Variants in SURF6 observed in about 807,000 individuals in gnomAD.
SURF6 encodes the protein surfeit 6.
A neutral mutation model predicts 37.5 loss-of-function variants in SURF6; 28 were observed. That is an observed-to-expected ratio of 0.75 (90% CI 0.55 to 1.02). SURF6 has a LOEUF of 1.02. Among genes scored for constraint, SURF6 ranks in the 50% least tolerant of loss-of-function variants. SURF6 has a pLI of 0.00. For synonymous variants in SURF6, 248 were observed against 210.9 expected, an observed-to-expected ratio of 1.18 and a Z score of -1.52; for missense variants, 560 against 490.5, an observed-to-expected ratio of 1.14 and a Z score of -1.34.
Position 133,336,120 on chromosome 9 carries a change from G to T in SURF6, c.13C>A (p.Leu5Ile). Residue 5 changes from leucine (L) to isoleucine (I), a missense_variant, in exon 1 of 5, where the codon CTC becomes ATC. By Grantham distance (5) the Leu-to-Ile change is conservative (BLOSUM62 2). Transcript: ENST00000372022. MASLLAKDAYLQSLA... is the reference protein window; with the variant it reads MASLIAKDAYLQSLA... ...CTCTGCAGGTAGGCGTCCTTGGCGA[G>T]TAGAGAGGCCATGGCGGAGACCCGG... 1.9e-6 allele frequency: 3 copies of T among 1,612,274 alleles called. No homozygotes were observed. Among genetic ancestry groups the T allele is most frequent in the Non-Finnish European group, 2.5e-6 (3 of 1,179,702 alleles).
chr9:133,332,454 T>G, intron 4 of SURF6, 94 bp downstream of exon 4: 1 of 1,543,346 alleles, frequency 6.5e-7, no homozygotes, highest in Non-Finnish European at 8.7e-7. Flanking sequence ...CTTACAGACA[T>G]GATGGGGTTC....
chr9:133,336,170 C>T lies in SURF6; in HGVS notation c.-38G>A, dbSNP rs2129934907. On this transcript the variant is annotated 5_prime_UTR_variant, in exon 1 of 5. Coordinates refer to ENST00000372022, the MANE Select transcript of SURF6 (RefSeq NM_006753.6). ...GGCCGTTCACGACTCACACCTTCCC[C>T]GCTGCGCGTGCGACTCTCACCACCT... The T allele has an allele frequency of 1.3e-6, 2 of 1,564,956 alleles. No individual in the cohort carries two copies. Among genetic ancestry groups the T allele is most frequent in the South Asian group, 2.2e-5 (2 of 89,208 alleles).
chr9:133,332,538 T>A lies in SURF6; in HGVS notation c.606+10A>T, dbSNP rs2129918833. 1 of 1,605,344 alleles carries A rather than the reference T, an allele frequency of 6.2e-7. No individual in the cohort carries two copies. Among genetic ancestry groups the A allele is most frequent in the Non-Finnish European group, 8.5e-7 (1 of 1,177,914 alleles). ...GACCCAGCCCGCCCAAGGACCCAGCTCCCGCTCACCTTATTGAAGATCAGC... is the reference window on the plus strand; with the variant it reads ...GACCCAGCCCGCCCAAGGACCCAGCACCCGCTCACCTTATTGAAGATCAGC... On this transcript the variant is annotated intron_variant, in intron 4 of 4. Coordinates refer to ENST00000372022, the MANE Select transcript of SURF6 (RefSeq NM_006753.6).
At chr9:133,333,606 G>A (rs1036224371) in intron 3 of SURF6, 112 bp downstream of exon 3, 1 of 971,906 alleles carries the variant, frequency 1.0e-6, no homozygotes, top group Non-Finnish European at 1.6e-6. Context: ...CTGGGGCCCT[G>A]CCAGACTCGC....
At position 133,332,219 on chromosome 9, in the gene SURF6, GTGC is replaced by G; in HGVS notation, c.733_735del (p.Ala245del). ...CGCAGCTCGTCCAGCCGGCTCTGCC[GTGC>G]CTGCAGGCGCTCCAGCAGCTGCCGG... On this transcript the variant is annotated inframe_deletion, in exon 5 of 5. Transcript: ENST00000372022. 1 of 1,607,196 alleles carries G rather than the reference GTGC, an allele frequency of 6.2e-7. No homozygotes were observed. Among genetic ancestry groups the G allele is most frequent in the African/African-American group, 1.3e-5 (1 of 75,050 alleles).
At position 133,332,022 on chromosome 9, in the gene SURF6, C is replaced by T. The variant is rs1173892005; in HGVS notation, c.933G>A (p.Thr311=). 3.9e-5 allele frequency: 63 copies of T among 1,601,086 alleles called. No homozygotes were observed. Among genetic ancestry groups the T allele is most frequent in the Non-Finnish European group, 5.1e-5 (60 of 1,179,256 alleles). Reference sequence around the variant, plus strand: ...GCTGCATCTTCTCCACCACGCCGGCCGTGCGCTTCTCCCACCGGCGCTGCC... The same window carrying T: ...GCTGCATCTTCTCCACCACGCCGGCTGTGCGCTTCTCCCACCGGCGCTGCC... ...AQRQRRWEKR[T]AGVVEKMQQR... Residue 311 remains threonine, a synonymous_variant, in exon 5 of 5, where the codon ACG becomes ACA. Transcript: ENST00000372022.
In SURF6 at chr9:133,331,941, C is replaced by T. The variant is rs1457415420; in HGVS notation, c.1014G>A (p.Glu338=). The change falls in exon 5 of 5, where the codon GAG becomes GAA. Residue 338 remains glutamate, a synonymous_variant. Transcript: ENST00000372022. The part of the protein sequence containing the change: ...NLRRKKAARA[E]RRLLRARKKG... Reference sequence around the variant, plus strand: ...TCTTGCGGGCTCTGAGCAGGCGGCGCTCGGCGCGGGCCGCCTTCTTCCTGC... The same window carrying T: ...TCTTGCGGGCTCTGAGCAGGCGGCGTTCGGCGCGGGCCGCCTTCTTCCTGC... 2 of 1,587,918 alleles carry T rather than the reference C, an allele frequency of 1.3e-6. No individual in the cohort carries two copies. The highest frequency in any genetic ancestry group is 1.7e-6 in the Non-Finnish European group (2 of 1,174,842).
intron 1 of SURF6, 95 bp from the exon 2 acceptor site, chr9:133,334,696 C>CGA: frequency 6.9e-7 from 1 of 1,447,176 alleles, no homozygotes; most frequent in South Asian, 1.3e-5. Flanking sequence ...AGGAAGATGC[C>CGA]GAAAGAGGAT....
chr9:133,334,696 C>A, intron 1 of SURF6, 95 bp from the exon 2 acceptor site: 1 of 1,447,172 alleles, frequency 6.9e-7, no homozygotes, highest in South Asian at 1.3e-5. Context: ...AGGAAGATGC[C>A]GAAAGAGGAT....
Position 133,332,261 on chromosome 9 carries a change from T to A in SURF6, c.694A>T (p.Thr232Ser), listed in dbSNP as rs2129916939. ...QRVKGNLTPL[T>S]GRNYRQLLER... ...AGCAGCTGCCGGTAGTTCCTCCCGG[T>A]CAGCGGCGTGAGGTTCCCCTTCACC... The change falls in exon 5 of 5, where the codon ACC (threonine) becomes TCC (serine). Residue 232 changes from threonine (T) to serine (S), a missense_variant. Coordinates refer to ENST00000372022, the MANE Select transcript of SURF6 (RefSeq NM_006753.6). 1 of 1,603,544 alleles carries A rather than the reference T, an allele frequency of 6.2e-7. No individual in the cohort carries two copies.
At position 133,336,155 on chromosome 9, in the gene SURF6, G is replaced by A. The variant is rs201601321; in HGVS notation, c.-23C>T. ...CATGGCGGAGACCCGGGCCGTTCAC[G>A]ACTCACACCTTCCCCGCTGCGCGTG... On this transcript the variant is annotated 5_prime_UTR_variant, in exon 1 of 5. Transcript: ENST00000372022. 26 of 1,588,174 alleles carry A rather than the reference G, an allele frequency of 1.6e-5. No individual in the cohort carries two copies. Among genetic ancestry groups the A allele is most frequent in the Middle Eastern group, 1.7e-4 (1 of 5,970 alleles).
intron 3 of SURF6, among the ~76,000 whole-genome samples, chr9:133,333,355 C>A (rs1835794959): frequency 6.6e-6 from 1 of 152,172 alleles, no homozygotes; most frequent in African/African-American, 2.4e-5. Context: ...TGGGTAGGGG[C>A]CAACACAGGG....
chr9:133,333,728 G>A lies in SURF6; in HGVS notation c.383C>T (p.Ala128Val). ...AACCTGCCCGCCTACCTGGCCCCGGGCCTCCTGGATCTTCTCATGCAGTCG... is the reference window on the plus strand; with the variant it reads ...AACCTGCCCGCCTACCTGGCCCCGGACCTCCTGGATCTTCTCATGCAGTCG... ...RQRLHEKIQE[A>V]RGQGSAKELS... Residue 128 changes from alanine to valine, a missense_variant, in exon 3 of 5, where the codon GCC becomes GTC. Ala to Val is a moderately conservative substitution (Grantham distance 64, BLOSUM62 0). Transcript: ENST00000372022. 6.2e-7 allele frequency: 1 copy of A among 1,613,862 alleles called. No individual in the cohort carries two copies. Among genetic ancestry groups the A allele is most frequent in the South Asian group, 1.1e-5 (1 of 91,044 alleles).
At chr9:133,332,878 A>G in intron 3 of SURF6, 118 bp from the exon 4 acceptor site, 1 of 989,726 alleles carries the variant, frequency 1.0e-6, no homozygotes, top group Non-Finnish European at 1.5e-6. Context: ...CACGCAAACA[A>G]GGGGCCCGCG....
intron 2 of SURF6, 88 bp downstream of exon 2, chr9:133,334,302 CTT>C: frequency 8.0e-7 from 1 of 1,251,494 alleles, no homozygotes; most frequent in Non-Finnish European, 1.1e-6. Flanking sequence ...CCTGCTGCTG[CTT>C]TTTTTTTCTT....
At position 133,332,737 on chromosome 9, in the gene SURF6, A is replaced by AG; in HGVS notation, c.416dup (p.Ala140CysfsTer33). Reference sequence around the variant, plus strand: ...TCCGCCGCCTTTTCTCCAAGGCGGCAGGGGACAGCTCCTTGGCACTGCCCT... The same window carrying AG: ...TCCGCCGCCTTTTCTCCAAGGCGGCAGGGGGACAGCTCCTTGGCACTGCCCT... On this transcript the variant is annotated frameshift_variant, in exon 4 of 5. Transcript: ENST00000372022. LOFTEE classifies it high-confidence loss of function. The AG allele has an allele frequency of 6.2e-7, 1 of 1,611,368 alleles. No individual in the cohort carries two copies. Among genetic ancestry groups the AG allele is most frequent in the Non-Finnish European group, 8.5e-7 (1 of 1,179,994 alleles).
chr9:133,334,372 C>G lies in SURF6; in HGVS notation c.304+20G>C. ...CCAGCCCCGCCCTGCACAGAACCAA[C>G]ATGCCCTGAAGCCTCTCACCTGCAG... On this transcript the variant is annotated intron_variant, in intron 2 of 4. Transcript: ENST00000372022. 1 of 1,599,522 alleles carries G rather than the reference C, an allele frequency of 6.3e-7. No homozygotes were observed. The highest frequency in any genetic ancestry group is 8.5e-7 in the Non-Finnish European group (1 of 1,174,016).
intron 3 of SURF6, 36 bp from the exon 4 acceptor site, chr9:133,332,796 T>G: frequency 1.3e-6 from 2 of 1,597,054 alleles, no homozygotes; most frequent in Non-Finnish European, 1.7e-6. Flanking sequence ...TAAAGTTCTC[T>G]CGATCCCAGG....
At chr9:133,335,929 A>G in intron 1 of SURF6, 110 bp downstream of exon 1, 1 of 836,476 alleles carries the variant, frequency 1.2e-6, no homozygotes, top group Non-Finnish European at 1.8e-6. Flanking sequence ...CGATAATTTC[A>G]CAAGTCACTT....
Sources: allele counts gnomAD v4.1 joint callset (sites outside exome capture counted in the v4.1 genomes callset), GRCh38; gene constraint gnomAD v4.1.1; transcripts MANE v1.5; gene names NCBI Gene and HGNC (gene_info 2026-07-23, HGNC 2026-07-21).